The following ZNF722 variants were observed in gnomAD, a reference collection of about 807,000 sequenced individuals.
ZNF722 encodes the protein zinc finger protein 479 pseudogene.
the ZNF722 span, chr7:64,006,403 G>C: frequency 1.0e-6 from 1 of 952,746 alleles, no homozygotes. Flanking sequence ...TGTGGTCTGG[G>C]GAGCTGTGCT....
chr7:64,002,710 C>T, the ZNF722 span, among the ~76,000 whole-genome samples: 1 of 152,172 alleles, frequency 6.6e-6, no homozygotes, highest in African/African-American at 2.4e-5. Context: ...CTGTGACATG[C>T]TCCAGAGCAC....
At chr7:64,015,973 G>T in the ZNF722 span, 1 of 1,083,106 alleles carries the variant, frequency 9.2e-7, no homozygotes. Flanking sequence ...ATTTATGCTG[G>T]AAAAAAACAC....
chr7:64,000,398 G>C, the ZNF722 span, among the ~76,000 whole-genome samples: 1 of 135,360 alleles, frequency 7.4e-6, no homozygotes, highest in South Asian at 2.4e-4. Context: ...CAAAGTGCTG[G>C]GATTACAGGA....
the ZNF722 span, chr7:64,015,970 C>G: frequency 1.5e-5 from 17 of 1,127,680 alleles, no homozygotes; most frequent in East Asian, 3.8e-4. Context: ...ATAATTTATG[C>G]TGGAAAAAAA....
chr7:64,007,908 T>C, the ZNF722 span, among the ~76,000 whole-genome samples: 1 of 152,184 alleles, frequency 6.6e-6, no homozygotes. Context: ...GCAGCTGTTG[T>C]TTCCTGATGT....
the ZNF722 span, among the ~76,000 whole-genome samples, chr7:64,009,522 C>T: frequency 1.3e-5 from 2 of 152,140 alleles, no homozygotes; most frequent in Non-Finnish European, 2.9e-5. Context: ...GTCTTTGGTT[C>T]TGTTTATGCA....
At chr7:64,007,789 C>T in the ZNF722 span, among the ~76,000 whole-genome samples, 1 of 152,160 alleles carries the variant, frequency 6.6e-6, no homozygotes, top group African/African-American at 2.4e-5. Context: ...AATGGTATTT[C>T]TAGTTCTAGA....
At chr7:64,011,937 T>G in the ZNF722 span, among the ~76,000 whole-genome samples, 1 of 152,194 alleles carries the variant, frequency 6.6e-6, no homozygotes, top group South Asian at 2.1e-4. Context: ...TCTTGGAGGC[T>G]TTGTTCATTT....
At chr7:64,005,901 T>C in the ZNF722 span, among the ~76,000 whole-genome samples, 1 of 152,216 alleles carries the variant, frequency 6.6e-6, no homozygotes, top group Non-Finnish European at 1.5e-5. Flanking sequence ...ATGTTTTATC[T>C]TGACCTGAAC....
chr7:63,999,111 C>A, the ZNF722 span: 21 of 1,219,014 alleles, frequency 1.7e-5, no homozygotes, highest in Non-Finnish European at 1.3e-5. Flanking sequence ...AGTCTGAGGA[C>A]CCAAATCCTC....
At chr7:64,016,933 A>T in the ZNF722 span, among the ~76,000 whole-genome samples, 1 of 152,234 alleles carries the variant, frequency 6.6e-6, no homozygotes, top group Admixed American at 6.5e-5. Context: ...AAAACTACAA[A>T]TATGAAATGA....
chr7:64,004,078 G>A, the ZNF722 span, among the ~76,000 whole-genome samples: 1 of 151,896 alleles, frequency 6.6e-6, no homozygotes, highest in Non-Finnish European at 1.5e-5. Context: ...CTGCACCTTC[G>A]ACTTTGCATA....
chr7:64,004,410 TAAAAAA>T, the ZNF722 span, among the ~76,000 whole-genome samples: 18 of 35,250 alleles, frequency 5.1e-4, no homozygotes, highest in South Asian at 3.0e-3. Context: ...CTCTGTCTCT[TAAAAAA>T]AAAAAAAAAA....
At chr7:63,998,893 G>A in the ZNF722 span, 6 of 1,495,346 alleles carry the variant, frequency 4.0e-6, no homozygotes, top group African/African-American at 2.9e-5. Flanking sequence ...TTTTCTTCAG[G>A]GCTCTGCATT....
chr7:64,000,674 C>T, the ZNF722 span, among the ~76,000 whole-genome samples: 1 of 151,774 alleles, frequency 6.6e-6, no homozygotes, highest in East Asian at 1.9e-4. Flanking sequence ...TGGTCTCAAA[C>T]TCCTGGACTC....
At chr7:64,014,944 T>C in the ZNF722 span, 1 of 1,036,820 alleles carries the variant, frequency 9.6e-7, no homozygotes, top group Non-Finnish European at 1.4e-6. Context: ...TAGTGTGCCT[T>C]GTATAATTTT....
the ZNF722 span, among the ~76,000 whole-genome samples, chr7:64,007,313 A>T: frequency 6.6e-6 from 1 of 151,166 alleles, no homozygotes; most frequent in African/African-American, 2.4e-5. Flanking sequence ...ACATATGTAT[A>T]CATGTGCCAT....
chr7:64,014,097 T>C, the ZNF722 span, among the ~76,000 whole-genome samples: 2 of 152,250 alleles, frequency 1.3e-5, no homozygotes, highest in African/African-American at 4.8e-5. Context: ...TGCTTAAATA[T>C]GTGTTATGGA....
chr7:64,017,693 T>A, the ZNF722 span, among the ~76,000 whole-genome samples: 2 of 152,194 alleles, frequency 1.3e-5, no homozygotes, highest in East Asian at 3.9e-4. Flanking sequence ...TACTAAATAT[T>A]TTTGTAGATC....
Sources: gnomAD v4.1 joint callset for allele counts (sites outside exome capture counted in the v4.1 genomes callset) on GRCh38, gnomAD v4.1.1 for gene constraint, MANE v1.5 for transcripts, NCBI Gene and HGNC (gene_info 2026-07-23, HGNC 2026-07-21) for gene names.